NSMCE2: variants seen among roughly 807,000 people sequenced by gnomAD.
The protein encoded by NSMCE2 is NSE2 SUMO ligase component of SMC5/6 complex, also known as E3 SUMO-protein ligase NSE2.
In NSMCE2, 24 loss-of-function variants were observed where a neutral mutation model predicts 23.8. The ratio of observed to expected loss-of-function variants is 1.01; its 90% CI spans 0.73 to 1.42. NSMCE2 has a LOEUF of 1.42. Among genes scored for constraint, NSMCE2 ranks in the 40% most tolerant of loss-of-function variants. The probability of loss-of-function intolerance (pLI) is 0.00; values close to 1 mark genes in which losing one functional copy is unlikely to be tolerated. For missense variants in NSMCE2, 284 were observed against 296.5 expected (o/e 0.96, Z 0.31); for synonymous variants, 92 against 94.1 (o/e 0.98, Z 0.13).
intron 5 of NSMCE2, among the ~76,000 whole-genome samples, chr8:125,244,746 G>A (rs993317662): frequency 6.6e-6 from 1 of 152,068 alleles, no homozygotes; most frequent in Non-Finnish European, 1.5e-5. Context: ...TAAAACTTTC[G>A]TCCTATCAGA....
chr8:125,349,347 G>A (rs896082971), intron 5 of NSMCE2, among the ~76,000 whole-genome samples: 51 of 152,178 alleles, frequency 3.4e-4, no homozygotes, highest in Non-Finnish European at 6.3e-4. Flanking sequence ...AATAATGCAA[G>A]TAAAATAATA....
chr8:125,362,299 TA>T (rs1412316998), intron 7 of NSMCE2, among the ~76,000 whole-genome samples: 2 of 152,266 alleles, frequency 1.3e-5, no homozygotes, highest in Non-Finnish European at 2.9e-5. Context: ...CTTTCTGCTT[TA>T]AAAACTTGTG....
intron 5 of NSMCE2, among the ~76,000 whole-genome samples, chr8:125,272,776 C>CGT (rs1563756199): frequency 1.4e-5 from 2 of 140,648 alleles, no homozygotes; most frequent in African/African-American, 5.4e-5. Flanking sequence ...TACACACACA[C>CGT]GTATATATAT....
At chr8:125,339,253 T>G (rs1389152787) in intron 5 of NSMCE2, among the ~76,000 whole-genome samples, 2 of 152,132 alleles carry the variant, frequency 1.3e-5, no homozygotes, top group Non-Finnish European at 2.9e-5. Context: ...CTCCCCACAC[T>G]GCTTGGGACG....
At chr8:125,275,665 A>G (rs1827422083) in intron 5 of NSMCE2, among the ~76,000 whole-genome samples, 1 of 152,206 alleles carries the variant, frequency 6.6e-6, no homozygotes, top group Non-Finnish European at 1.5e-5. Context: ...CACTTCAGGG[A>G]AAGAGGAAAC....
intron 5 of NSMCE2, among the ~76,000 whole-genome samples, chr8:125,248,138 A>G (rs1175041187): frequency 6.6e-6 from 1 of 152,224 alleles, no homozygotes; most frequent in East Asian, 1.9e-4. Flanking sequence ...TGAAGATTTT[A>G]AGATTAAAAA....
chr8:125,165,414 G>A (rs1438344576), intron 4 of NSMCE2, among the ~76,000 whole-genome samples: 4 of 152,178 alleles, frequency 2.6e-5, no homozygotes, highest in African/African-American at 9.6e-5. Context: ...AATGAGTGGT[G>A]CCTTCTTCAG....
intron 5 of NSMCE2, among the ~76,000 whole-genome samples, chr8:125,222,572 A>G (rs1824912284): frequency 6.6e-6 from 1 of 151,948 alleles, no homozygotes; most frequent in Non-Finnish European, 1.5e-5. Context: ...CTCAAAGTCT[A>G]TGAATTAGCC....
intron 3 of NSMCE2, among the ~76,000 whole-genome samples, chr8:125,128,840 T>C (rs1167698380): frequency 6.6e-6 from 1 of 152,204 alleles, no homozygotes; most frequent in Admixed American, 6.5e-5. Context: ...GGCCTTGTGA[T>C]TACATTAGGT....
chr8:125,236,260 C>T lies in NSMCE2; in HGVS notation c.418+54004C>T, dbSNP rs138033540. Among the ~76,000 whole-genome samples the T allele has an allele frequency of 3.4e-3, 515 of 152,052 alleles. 1 individual carries two copies. The highest frequency in any genetic ancestry group is 0.012 in the African/African-American group (477 of 41,466). On this transcript the variant is annotated intron_variant, in intron 5 of 7. Coordinates refer to ENST00000287437, the MANE Select transcript of NSMCE2 (RefSeq NM_173685.4). ...AGTTATAGACCTGGTGGTAGCTGTA[C>T]GGGATAATTATTTTCTAAATTTAAA... is the stretch of plus-strand genomic sequence containing the variant.
intron 3 of NSMCE2, among the ~76,000 whole-genome samples, chr8:125,141,746 G>A (rs1820383868): frequency 6.6e-6 from 1 of 152,102 alleles, no homozygotes; most frequent in Non-Finnish European, 1.5e-5. Context: ...ACCCCAGTCC[G>A]GTGAACATCT....
At chr8:125,277,794 G>A (rs947080905) in intron 5 of NSMCE2, among the ~76,000 whole-genome samples, 3 of 152,170 alleles carry the variant, frequency 2.0e-5, no homozygotes, top group South Asian at 2.1e-4. Context: ...GATTACAGGC[G>A]TGAGCCACTG....
chr8:125,272,717 A>T (rs200342031), intron 5 of NSMCE2, among the ~76,000 whole-genome samples: 7 of 80,352 alleles, frequency 8.7e-5, no homozygotes, highest in East Asian at 3.4e-4. Flanking sequence ...TATATATATA[A>T]TATATATATA....
At chr8:125,343,710 C>A (rs1014996824) in intron 5 of NSMCE2, among the ~76,000 whole-genome samples, 2 of 152,070 alleles carry the variant, frequency 1.3e-5, no homozygotes, top group Non-Finnish European at 2.9e-5. Flanking sequence ...AATATTACAA[C>A]TGCTGCCGGG....
chr8:125,261,764 A>C (rs1397659343), intron 5 of NSMCE2, among the ~76,000 whole-genome samples: 3 of 151,974 alleles, frequency 2.0e-5, no homozygotes, highest in Non-Finnish European at 4.4e-5. Context: ...AAAAACAAAA[A>C]CAAAACAGCT....
chr8:125,220,162 A>G (rs772862991), intron 5 of NSMCE2, among the ~76,000 whole-genome samples: 8 of 152,202 alleles, frequency 5.3e-5, no homozygotes, highest in African/African-American at 9.6e-5. Flanking sequence ...GGGAAAACCT[A>G]TGAAGGATCA....
rs192654504 is a variant in NSMCE2 at position 125,339,230 on chromosome 8, G to A, written c.419-17989G>A. The stretch of plus-strand genomic sequence containing the variant: ...AAATGCACCTGGTCTCTCTCCTTGG[G>A]GGCTGGAGTGAGCTCCCCACACTGC... On this transcript the variant is annotated intron_variant, in intron 5 of 7. Transcript: ENST00000287437. 2.5e-3 allele frequency among the ~76,000 whole-genome samples: 381 copies of A among 152,148 alleles called. 1 individual carries two copies. The highest frequency in any genetic ancestry group is 8.3e-3 in the African/African-American group (346 of 41,500).
chr8:125,192,219 T>C (rs1823382016), intron 5 of NSMCE2, among the ~76,000 whole-genome samples: 1 of 152,168 alleles, frequency 6.6e-6, no homozygotes, highest in Non-Finnish European at 1.5e-5. Context: ...TCTTGTTGAG[T>C]TATAATTCCT....
Position 125,357,335 on chromosome 8 carries a change from A to T in NSMCE2, c.519+16A>T. ...CATTACAAAGGTACCGCTTCCTCCT[A>T]CTTCCCCTGAAAGAAACACGATTCA... On this transcript the variant is annotated intron_variant, in intron 6 of 7. Coordinates refer to ENST00000287437, the MANE Select transcript of NSMCE2 (RefSeq NM_173685.4). 6.7e-7 allele frequency: 1 copy of T among 1,491,030 alleles called. No homozygotes were observed. Among genetic ancestry groups the T allele is most frequent in the Non-Finnish European group, 9.4e-7 (1 of 1,068,564 alleles). The allele number at this position is 1,491,030 out of a possible 1,614,324, so 92.4% of individuals were successfully genotyped here. A position where few individuals can be genotyped will look rare whatever the true frequency, so the allele number is the denominator to read the frequency against.
Sources: allele counts gnomAD v4.1 joint callset (sites outside exome capture counted in the v4.1 genomes callset), GRCh38; gene constraint gnomAD v4.1.1; transcripts MANE v1.5; gene names NCBI Gene and HGNC (gene_info 2026-07-23, HGNC 2026-07-21).